The following PRKN variants were observed in gnomAD, a reference collection of about 807,000 sequenced individuals.
PRKN encodes E3 ubiquitin-protein ligase parkin.
A neutral mutation model predicts 59.5 loss-of-function variants in PRKN; 56 were observed. The ratio of observed to expected loss-of-function variants is 0.94; its 90% CI spans 0.76 to 1.18. The LOEUF is 1.18. Among genes scored for constraint, PRKN ranks in the 50% most tolerant of loss-of-function variants. The pLI is 0.00. For synonymous variants in PRKN, 250 were observed against 222.1 expected (o/e 1.13, Z -1.12); for missense variants, 657 against 596.4 (o/e 1.10, Z -1.06).
In PRKN at chr6:162,614,055, G is replaced by T. The variant is rs1465666083; in HGVS notation, c.7+113607C>A. 5.9e-5 allele frequency among the ~76,000 whole-genome samples: 9 copies of T among 152,134 alleles called. No homozygotes were observed. The East Asian group carries it at 1.5e-3, about 26-fold the overall frequency. On this transcript the variant is annotated intron_variant, in intron 1 of 11. Transcript: ENST00000366898. ...ACAATTATTTAAGAATTCTGATTATGTATTCTGTAAATTATTTCTTGCATT... is the reference window on the plus strand; with the variant it reads ...ACAATTATTTAAGAATTCTGATTATTTATTCTGTAAATTATTTCTTGCATT...
intron 1 of PRKN, among the ~76,000 whole-genome samples, chr6:162,604,508 T>C (rs1432312328): frequency 6.6e-6 from 1 of 152,176 alleles, no homozygotes; most frequent in Admixed American, 6.5e-5. Flanking sequence ...TGTTCCCACA[T>C]GTAATAAGAA....
chr6:161,960,602 G>A (rs541547165), intron 6 of PRKN, among the ~76,000 whole-genome samples: 2 of 152,264 alleles, frequency 1.3e-5, no homozygotes, highest in South Asian at 4.1e-4. Context: ...TTCACCAGAC[G>A]AGGCCATTTG....
At chr6:161,972,637 C>T (rs1780863544) in intron 6 of PRKN, among the ~76,000 whole-genome samples, 1 of 152,178 alleles carries the variant, frequency 6.6e-6, no homozygotes, top group Admixed American at 6.5e-5. Context: ...GTGTGCGAAG[C>T]CTCAGCATAA....
At chr6:162,176,623 C>T (rs9347596) in intron 4 of PRKN, among the ~76,000 whole-genome samples, 74,115 of 151,870 alleles carry the variant, frequency 0.49, 19,770 homozygotes, top group Non-Finnish European at 0.61. Context: ...ATAGCAGATA[C>T]ATCTGACATC....
intron 1 of PRKN, among the ~76,000 whole-genome samples, chr6:162,529,918 T>A (rs1196705253): frequency 6.6e-6 from 1 of 152,020 alleles, no homozygotes; most frequent in Non-Finnish European, 1.5e-5. Context: ...TCACCCGAGG[T>A]CGGGAGTTCA....
At chr6:161,648,814 C>G (rs1015993131) in intron 7 of PRKN, among the ~76,000 whole-genome samples, 1 of 152,140 alleles carries the variant, frequency 6.6e-6, no homozygotes, top group Admixed American at 6.5e-5. Flanking sequence ...TCACAGTGTC[C>G]TAGAGCCAAA....
rs765980874 is a variant in PRKN, at chr6:161,576,253, C to T, written c.872-6837G>A. Among the ~76,000 whole-genome samples, 18 of 152,228 alleles carry T rather than the reference C, an allele frequency of 1.2e-4. No homozygotes were observed. Among genetic ancestry groups the T allele is most frequent in the Non-Finnish European group, 1.6e-4 (11 of 68,042 alleles). On this transcript the variant is annotated intron_variant, in intron 7 of 11. Transcript: ENST00000366898. The surrounding 1 kb of genome is among the most constrained non-coding windows in gnomAD (Gnocchi z 4.6). ...AGCTTATTTTAATCCTTTCTCTCTG[C>T]TGATGGGTTTTTATTTATAAAGGAT...
chr6:161,957,346 A>T (rs1780207294), intron 6 of PRKN, among the ~76,000 whole-genome samples: 1 of 151,842 alleles, frequency 6.6e-6, no homozygotes, highest in Admixed American at 6.5e-5. Context: ...TCAAGTTTAT[A>T]TGGCAAGCAA....
chr6:161,655,812 T>C (rs893648142), intron 7 of PRKN, among the ~76,000 whole-genome samples: 3 of 150,814 alleles, frequency 2.0e-5, no homozygotes, highest in African/African-American at 7.3e-5. Flanking sequence ...AGTTGACACA[T>C]GTTGATTATT....
chr6:161,652,983 A>G (rs16892840), intron 7 of PRKN, among the ~76,000 whole-genome samples: 15,262 of 152,238 alleles, frequency 0.1, 884 homozygotes, highest in African/African-American at 0.15. Context: ...TAAATCCTTC[A>G]CTATCCCGTA....
At chr6:162,170,769 G>A (rs74514189) in intron 4 of PRKN, among the ~76,000 whole-genome samples, 20 of 152,254 alleles carry the variant, frequency 1.3e-4, no homozygotes, top group African/African-American at 4.6e-4. Flanking sequence ...GTTCAGGACC[G>A]AAAGAAGGAA....
intron 3 of PRKN, among the ~76,000 whole-genome samples, chr6:162,202,326 G>T (rs368978342): frequency 9.9e-4 from 150 of 152,098 alleles, no homozygotes; most frequent in African/African-American, 3.5e-3. Flanking sequence ...TTCATTTCCC[G>T]AATTTACAAA....
At chr6:161,450,024 G>A (rs953932544) in intron 9 of PRKN, among the ~76,000 whole-genome samples, 1 of 152,168 alleles carries the variant, frequency 6.6e-6, no homozygotes, top group Non-Finnish European at 1.5e-5. Flanking sequence ...AAGAGGTAAG[G>A]TACAGGTAGT....
chr6:162,467,840 C>T (rs567591755), intron 1 of PRKN, among the ~76,000 whole-genome samples: 70 of 152,120 alleles, frequency 4.6e-4, no homozygotes, highest in African/African-American at 1.4e-3. Context: ...ACCGAGCTCC[C>T]GCTATGCTGT....
intron 1 of PRKN, among the ~76,000 whole-genome samples, chr6:162,645,347 A>C (rs1021057327): frequency 6.6e-6 from 1 of 152,210 alleles, no homozygotes. Flanking sequence ...TGAAATCTTC[A>C]AGGACACCAG....
At chr6:162,182,934 A>G (rs1783859877) in intron 4 of PRKN, among the ~76,000 whole-genome samples, 1 of 152,136 alleles carries the variant, frequency 6.6e-6, no homozygotes, top group South Asian at 2.1e-4. Flanking sequence ...ACCTACTTCT[A>G]AAATGCATTA....
chr6:162,510,236 A>G (rs1317667362), intron 1 of PRKN, among the ~76,000 whole-genome samples: 2 of 152,242 alleles, frequency 1.3e-5, no homozygotes, highest in Non-Finnish European at 2.9e-5. Flanking sequence ...GCAGTTAGAT[A>G]AAGTTGAGTA....
chr6:162,615,187 C>T (rs1782352499), intron 1 of PRKN, among the ~76,000 whole-genome samples: 2 of 152,156 alleles, frequency 1.3e-5, no homozygotes, highest in South Asian at 4.1e-4. Flanking sequence ...AATTTCCCAC[C>T]AACATGTGAC....
chr6:162,012,287 A>AT (rs1782759206), intron 5 of PRKN, among the ~76,000 whole-genome samples: 1 of 152,034 alleles, frequency 6.6e-6, no homozygotes, highest in South Asian at 2.1e-4. Context: ...AAATACTGGT[A>AT]TTTTTTTCAC....
Sources: gnomAD v4.1 joint callset for allele counts (sites outside exome capture counted in the v4.1 genomes callset) on GRCh38, gnomAD v4.1.1 for gene constraint, Gnocchi (gnomAD v3.1) non-coding constraint, MANE v1.5 for transcripts, NCBI Gene and HGNC (gene_info 2026-07-23, HGNC 2026-07-21) for gene names.